The following FAM227A variants were observed in gnomAD, a reference collection of about 807,000 sequenced individuals.
FAM227A encodes the protein family with sequence similarity 227 member A, also known as protein FAM227A.
FAM227A carries 80 observed loss-of-function variants against 74.7 expected under a neutral mutation model. The observed-to-expected ratio is 1.07, with a 90% CI of 0.89 to 1.29. The LOEUF is 1.29. FAM227A is among the 50% of genes most tolerant of loss of function. FAM227A has a pLI of 0.00. For synonymous variants in FAM227A, 237 were observed against 241.8 expected (o/e 0.98, Z 0.19); for missense variants, 654 against 683.4 (o/e 0.96, Z 0.48).
chr22:38,633,255 C>T (rs993760464), intron 6 of FAM227A, among the ~76,000 whole-genome samples: 5 of 152,194 alleles, frequency 3.3e-5, no homozygotes, highest in Admixed American at 2.6e-4. Flanking sequence ...AAGCAAGAAA[C>T]AGTATCAGCT....
chr22:38,626,930 T>C (rs2091822712), intron 8 of FAM227A, among the ~76,000 whole-genome samples: 1 of 128,276 alleles, frequency 7.8e-6, no homozygotes. Flanking sequence ...ATATATATTC[T>C]ATATATAGAG....
chr22:38,605,132 A>C, intron 13 of FAM227A, 122 bp downstream of exon 13: 1 of 599,872 alleles, frequency 1.7e-6, no homozygotes, highest in South Asian at 2.2e-5. Flanking sequence ...TGTTTGCATA[A>C]GGTTTGGCAT....
At chr22:38,636,371 T>G in intron 6 of FAM227A, 80 bp downstream of exon 6, 1 of 1,451,794 alleles carries the variant, frequency 6.9e-7, no homozygotes, top group East Asian at 2.5e-5. Context: ...TTCCTCAGTT[T>G]CTCCTGGGGT....
chr22:38,579,060 C>G lies in FAM227A; in HGVS notation c.*7065G>C, dbSNP rs912103102. On this transcript the variant is annotated 3_prime_UTR_variant, in exon 17 of 17. Transcript: ENST00000535113. Reference sequence around the variant, plus strand: ...AAGTAACTTGCCTGAGGCTCACAGTCTGGCTCCAGTGACCATGCTCTTAAC... The same window carrying G: ...AAGTAACTTGCCTGAGGCTCACAGTGTGGCTCCAGTGACCATGCTCTTAAC... 6.6e-6 allele frequency: 1 copy of G among 152,198 alleles called. No homozygotes were observed. The highest frequency in any genetic ancestry group is 1.5e-5 in the Non-Finnish European group (1 of 68,050). 9.4% of individuals were successfully genotyped at this position (152,198 alleles called of 1,614,324 possible).
chr22:38,622,738 T>C (rs2091716780), intron 10 of FAM227A, among the ~76,000 whole-genome samples: 1 of 150,786 alleles, frequency 6.6e-6, no homozygotes, highest in South Asian at 2.1e-4. Context: ...TAGCTGGGCG[T>C]GGTGGTGGGT....
intron 10 of FAM227A, among the ~76,000 whole-genome samples, chr22:38,620,560 T>C (rs2091666674): frequency 6.6e-6 from 1 of 152,002 alleles, no homozygotes. Flanking sequence ...TCCCAGCACT[T>C]TGGGAGGCCG....
At position 38,584,530 on chromosome 22, in the gene FAM227A, C is replaced by T. The variant is rs947209513; in HGVS notation, c.*1595G>A. On this transcript the variant is annotated 3_prime_UTR_variant, in exon 17 of 17. Coordinates refer to ENST00000535113, the MANE Select transcript of FAM227A (RefSeq NM_001013647.2). ...TTAGAATCCCAGTGCTTTGGAAGGA[C>T]AAGGCAGGAGGATTACTTGAAGCCA... 3 of 152,254 alleles carry T rather than the reference C, an allele frequency of 2.0e-5. No homozygotes were observed. The highest frequency in any genetic ancestry group is 6.5e-5 in the Admixed American group (1 of 15,272). 9.4% of individuals were successfully genotyped at this position (152,254 alleles called of 1,614,324 possible). A position where few individuals can be genotyped will look rare whatever the true frequency, so the allele number is the denominator to read the frequency against.
In FAM227A at chr22:38,623,181, GTCT is replaced by G. The variant is rs771236794; in HGVS notation, c.946_948del (p.Arg316del). ...GTACCTGCTATCTTACCCTTTGTCAGTCTTCTTCTGTACAACATTAATTCTTCT... is the reference window on the plus strand; with the variant it reads ...GTACCTGCTATCTTACCCTTTGTCAGTCTTCTGTACAACATTAATTCTTCT... On this transcript the variant is annotated inframe_deletion, in exon 10 of 17. Transcript: ENST00000535113. 1.5e-5 allele frequency: 24 copies of G among 1,550,506 alleles called. No homozygotes were observed. Among genetic ancestry groups the G allele is most frequent in the African/African-American group, 1.5e-4 (11 of 73,146 alleles).
At chr22:38,630,470 AC>A (rs1289753868) in intron 6 of FAM227A, among the ~76,000 whole-genome samples, 1 of 151,964 alleles carries the variant, frequency 6.6e-6, no homozygotes, top group Non-Finnish European at 1.5e-5. Context: ...AAGTTACTGA[AC>A]CCCTCTGTGC....
At chr22:38,630,095 T>C (rs867286953) in intron 6 of FAM227A, among the ~76,000 whole-genome samples, 1 of 144,452 alleles carries the variant, frequency 6.9e-6, no homozygotes, top group Non-Finnish European at 1.5e-5. Flanking sequence ...AGCGTGCCTC[T>C]TCTTTAACCA....
intron 11 of FAM227A, among the ~76,000 whole-genome samples, chr22:38,616,023 T>G (rs958496774): frequency 2.6e-5 from 4 of 151,980 alleles, no homozygotes; most frequent in Non-Finnish European, 5.9e-5. Flanking sequence ...ATGGGCGGTA[T>G]TTGAAGCTAC....
intron 3 of FAM227A, among the ~76,000 whole-genome samples, chr22:38,642,279 T>C (rs1389784792): frequency 6.6e-6 from 1 of 152,186 alleles, no homozygotes; most frequent in Non-Finnish European, 1.5e-5. Flanking sequence ...GAAACCTCCA[T>C]GGGAACCAGT....
intron 14 of FAM227A, among the ~76,000 whole-genome samples, chr22:38,598,236 A>C (rs189745859): frequency 6.6e-6 from 1 of 152,166 alleles, no homozygotes; most frequent in Admixed American, 6.6e-5. Context: ...GTTAATCATA[A>C]TCCTGGTAGT....
chr22:38,640,504 C>A (rs1032655920), intron 3 of FAM227A, among the ~76,000 whole-genome samples: 1 of 152,096 alleles, frequency 6.6e-6, no homozygotes, highest in Non-Finnish European at 1.5e-5. Context: ...CATCCTCCTA[C>A]GCCCCTGAAA....
At chr22:38,597,819 G>A (rs1016093505) in intron 14 of FAM227A, among the ~76,000 whole-genome samples, 5 of 151,978 alleles carry the variant, frequency 3.3e-5, no homozygotes, top group Non-Finnish European at 2.9e-5. Flanking sequence ...CAAGGCAGGC[G>A]GATCACGAGG....
Position 38,626,846 on chromosome 22 carries a change from C to T in FAM227A, c.727-543G>A, listed in dbSNP as rs557022781. 3.9e-4 allele frequency among the ~76,000 whole-genome samples: 40 copies of T among 103,884 alleles called. 1 individual carries two copies. The South Asian group carries it at 0.011, about 29-fold the overall frequency. The allele number at this position is 103,884 out of a possible 152,430, so 68.2% of individuals were successfully genotyped here. A position where few individuals can be genotyped will look rare whatever the true frequency, so the allele number is the denominator to read the frequency against. ...CTGCGACCGTGCACTCCAGCCTGGGCGACAGAGAGACTCTGTCTCAAAAAA... is the reference window on the plus strand; with the variant it reads ...CTGCGACCGTGCACTCCAGCCTGGGTGACAGAGAGACTCTGTCTCAAAAAA... On this transcript the variant is annotated intron_variant, in intron 8 of 16. Coordinates refer to ENST00000535113, the MANE Select transcript of FAM227A (RefSeq NM_001013647.2).
chr22:38,597,514 G>A (rs1315828353), intron 14 of FAM227A, 158 bp from the exon 15 acceptor site: 1 of 770,364 alleles, frequency 1.3e-6, no homozygotes, highest in African/African-American at 1.7e-5. Context: ...CTGAGCAAGA[G>A]ATGACTCTCC....
chr22:38,607,944 C>A (rs2146263878), intron 11 of FAM227A, among the ~76,000 whole-genome samples: 1 of 152,114 alleles, frequency 6.6e-6, no homozygotes. Flanking sequence ...AAACTGAGCC[C>A]CTGGCTTGAG....
At chr22:38,646,240 C>T (rs977100149) in intron 2 of FAM227A, among the ~76,000 whole-genome samples, 2 of 141,346 alleles carry the variant, frequency 1.4e-5, no homozygotes, top group African/African-American at 5.5e-5. Context: ...ATTTTCCTTC[C>T]AGTATTTCTT....
Sources: gnomAD v4.1 joint callset for allele counts (sites outside exome capture counted in the v4.1 genomes callset) on GRCh38, gnomAD v4.1.1 for gene constraint, MANE v1.5 for transcripts, NCBI Gene and HGNC (gene_info 2026-07-23, HGNC 2026-07-21) for gene names.